Variants in CAPN9 observed in about 807,000 individuals in gnomAD.
The protein encoded by CAPN9 is calpain 9, also known as calpain-9.
CAPN9 carries 81 observed loss-of-function variants against 92.8 expected under a neutral mutation model. The observed-to-expected ratio is 0.87, with a 90% CI of 0.73 to 1.05. The LOEUF is 1.05. CAPN9 is among the 50% of genes least tolerant of loss of function. The pLI is 0.00. For synonymous variants in CAPN9, 304 were observed against 328.0 expected (o/e 0.93, Z 0.79); for missense variants, 848 against 866.2 (o/e 0.98, Z 0.26).
rs370900459 is a variant in CAPN9, at chr1:230,774,690, G to A, written c.953+59G>A. On this transcript the variant is annotated intron_variant, in intron 8 of 19. Coordinates refer to ENST00000271971, the MANE Select transcript of CAPN9 (RefSeq NM_006615.3). ...CGAGCAAGTCCCATGGCCCTGGGGC[G>A]TAAGGAGCACTGTGCTTCTCTCTCG... is the stretch of plus-strand genomic sequence containing the variant. The A allele has an allele frequency of 3.8e-4, 425 of 1,110,034 alleles. 2 individuals carry two copies. In the African/African-American group the frequency reaches 5.3e-3, roughly 14 times the overall value. 68.8% of individuals were successfully genotyped at this position (1,110,034 alleles called of 1,614,324 possible). A position where few individuals can be genotyped will look rare whatever the true frequency, so the allele number is the denominator to read the frequency against.
At chr1:230,786,463 C>G (rs1210290282) in intron 12 of CAPN9, among the ~76,000 whole-genome samples, 2 of 152,090 alleles carry the variant, frequency 1.3e-5, no homozygotes, top group Non-Finnish European at 2.9e-5. Flanking sequence ...AATAATTATC[C>G]TTGGCTACAA....
chr1:230,759,783 G>A (rs1460039715), intron 3 of CAPN9, among the ~76,000 whole-genome samples, 153 bp downstream of exon 3: 1 of 152,172 alleles, frequency 6.6e-6, no homozygotes, highest in African/African-American at 2.4e-5. Context: ...ATTTTATCAT[G>A]GAATAACAGC....
intron 3 of CAPN9, among the ~76,000 whole-genome samples, chr1:230,760,891 TA>T (rs1665589897): frequency 7.3e-6 from 1 of 137,720 alleles, no homozygotes; most frequent in Admixed American, 8.3e-5. Context: ...CTACTGCCTC[TA>T]AACCAGAACC....
intron 1 of CAPN9, among the ~76,000 whole-genome samples, chr1:230,749,128 A>G (rs770943656): frequency 1.3e-5 from 2 of 152,180 alleles, no homozygotes; most frequent in African/African-American, 4.8e-5. Context: ...TGCCATGTTC[A>G]TGGGGAAATC....
intron 2 of CAPN9, among the ~76,000 whole-genome samples, chr1:230,756,421 GTTGA>G (rs1054115485): frequency 9.2e-5 from 14 of 152,160 alleles, no homozygotes; most frequent in African/African-American, 2.2e-4. Flanking sequence ...AGGTTGATAG[GTTGA>G]TTGATTGACT....
chr1:230,771,087 C>G (rs937592581), intron 6 of CAPN9, among the ~76,000 whole-genome samples: 2 of 152,176 alleles, frequency 1.3e-5, no homozygotes, highest in Non-Finnish European at 2.9e-5. Context: ...ACAGAAACCT[C>G]TCATCATCTT....
chr1:230,761,464 C>T (rs1665630750), intron 3 of CAPN9, among the ~76,000 whole-genome samples: 1 of 152,180 alleles, frequency 6.6e-6, no homozygotes. Context: ...CCAACTGTGC[C>T]TCAGTCCCAC....
intron 3 of CAPN9, among the ~76,000 whole-genome samples, chr1:230,762,075 A>G (rs761764992): frequency 6.6e-6 from 1 of 152,192 alleles, no homozygotes; most frequent in Non-Finnish European, 1.5e-5. Context: ...GCGCACATGC[A>G]TTCACACACA....
intron 3 of CAPN9, 108 bp from the exon 4 acceptor site, chr1:230,762,545 G>A (rs1572027195): frequency 1.5e-6 from 2 of 1,314,012 alleles, no homozygotes; most frequent in South Asian, 1.4e-5. Flanking sequence ...CTGTCTATGG[G>A]TAGCTTGGTC....
chr1:230,778,271 A>T (rs1037845376), intron 8 of CAPN9, among the ~76,000 whole-genome samples: 2 of 152,096 alleles, frequency 1.3e-5, no homozygotes, highest in Non-Finnish European at 1.5e-5. Flanking sequence ...GCCACTGTTC[A>T]TCACCTCCCA....
intron 13 of CAPN9, among the ~76,000 whole-genome samples, chr1:230,789,005 GGGCACAT>G: frequency 6.6e-6 from 1 of 152,230 alleles, no homozygotes; most frequent in East Asian, 1.9e-4. Flanking sequence ...TGGATGACTT[GGGCACAT>G]GGCTCCATTT....
At chr1:230,789,968 C>T (rs1282775623) in intron 13 of CAPN9, among the ~76,000 whole-genome samples, 164 bp from the exon 14 acceptor site, 2 of 152,182 alleles carry the variant, frequency 1.3e-5, no homozygotes, top group African/African-American at 4.8e-5. Flanking sequence ...ATATGAGACA[C>T]ATAGCTGCAG....
chr1:230,800,205 G>A (rs1668584543), intron 19 of CAPN9, among the ~76,000 whole-genome samples: 1 of 103,728 alleles, frequency 9.6e-6, no homozygotes, highest in Non-Finnish European at 2.1e-5. Context: ...GGAAAAGAAA[G>A]AAAAGAAAGA....
At chr1:230,782,018 C>T (rs182024282) in intron 11 of CAPN9, among the ~76,000 whole-genome samples, 3 of 152,284 alleles carry the variant, frequency 2.0e-5, no homozygotes, top group African/African-American at 7.2e-5. Context: ...TCTGTTCACA[C>T]AAAAGTACCC....
At chr1:230,747,795 G>T in intron 1 of CAPN9, 86 bp downstream of exon 1, 1 of 1,228,692 alleles carries the variant, frequency 8.1e-7, no homozygotes, top group Admixed American at 1.9e-5. Flanking sequence ...GTGCTGGGGA[G>T]GGGCCGGCTA....
At chr1:230,799,289 C>T (rs537490743) in intron 19 of CAPN9, among the ~76,000 whole-genome samples, 2 of 152,152 alleles carry the variant, frequency 1.3e-5, no homozygotes, top group Admixed American at 6.5e-5. Context: ...GCTCTGATTT[C>T]GATTAAGCAG....
At chr1:230,799,219 A>G (rs1668532637) in intron 19 of CAPN9, among the ~76,000 whole-genome samples, 1 of 152,212 alleles carries the variant, frequency 6.6e-6, no homozygotes. Context: ...GAATATTTCA[A>G]GATGAAGAGG....
Position 230,762,674 on chromosome 1 carries a change from C to T in CAPN9, c.424C>T (p.Leu142=), listed in dbSNP as rs1244238692. The T allele has an allele frequency of 2.5e-6, 4 of 1,614,082 alleles. No homozygotes were observed. The African/African-American group carries it at 5.3e-5, about 22-fold the overall frequency. ...ACAGTTCTGGCAGCACAGTGAGTGG[C>T]TGGACGTGGTGATCGATGACCGCCT... ...HFQFWQHSEW[L]DVVIDDRLPT... is the part of the protein sequence containing the mutation. The change falls in exon 4 of 20, where the codon CTG becomes TTG. Residue 142 remains leucine (L), a synonymous_variant. Transcript: ENST00000271971.
chr1:230,758,870 A>T (rs1008522080), intron 2 of CAPN9, among the ~76,000 whole-genome samples: 1 of 152,204 alleles, frequency 6.6e-6, no homozygotes, highest in Non-Finnish European at 1.5e-5. Flanking sequence ...GGGCAAAGGA[A>T]TGCCTCCAGG....
Sources: gnomAD v4.1 joint callset for allele counts (sites outside exome capture counted in the v4.1 genomes callset) on GRCh38, gnomAD v4.1.1 for gene constraint, MANE v1.5 for transcripts, NCBI Gene and HGNC (gene_info 2026-07-23, HGNC 2026-07-21) for gene names.